Variants in SORL1 observed in about 807,000 individuals in gnomAD.
The protein encoded by SORL1 is sortilin-related receptor.
Under a neutral mutation model 273.7 loss-of-function variants are expected in SORL1, and 127 were observed. The ratio of observed to expected loss-of-function variants is 0.46; its 90% CI spans 0.40 to 0.54. The LOEUF (loss-of-function observed/expected upper bound fraction) is 0.54. SORL1 is among the 20% of genes least tolerant of loss of function. SORL1 has a pLI of 0.00. For missense variants in SORL1, 2,494 were observed against 2,846.1 expected (o/e 0.88, Z 2.81); for synonymous variants, 1,031 against 1,067.4 (o/e 0.97, Z 0.66).
At chr11:121,569,491 G>A (rs765566787) in intron 22 of SORL1, among the ~76,000 whole-genome samples, 2 of 152,178 alleles carry the variant, frequency 1.3e-5, no homozygotes, top group Non-Finnish European at 2.9e-5. Flanking sequence ...GTCCCTGAGG[G>A]TAGGCTTCTA....
chr11:121,566,615 T>C, intron 21 of SORL1: 1 of 260,158 alleles, frequency 3.8e-6, no homozygotes, highest in South Asian at 5.6e-5. Context: ...TCAACACCCA[T>C]GCTCTGTGAC....
intron 18 of SORL1, among the ~76,000 whole-genome samples, chr11:121,555,877 G>A (rs1056812698): frequency 2.6e-5 from 4 of 152,136 alleles, no homozygotes; most frequent in African/African-American, 7.2e-5. Flanking sequence ...ATCTTTGTCT[G>A]GGGGAATGTA....
rs184292557 is a variant in SORL1, at chr11:121,623,678, T to A, written c.6172-1407T>A. Reference sequence around the variant, plus strand: ...GCGGGGATGAGATTCCAGGCAGGTATTGGGAATCCCAGTTCGGCAGCCAGT... The same window carrying A: ...GCGGGGATGAGATTCCAGGCAGGTAATGGGAATCCCAGTTCGGCAGCCAGT... On this transcript the variant is annotated intron_variant, in intron 45 of 47. Coordinates refer to ENST00000260197, the MANE Select transcript of SORL1 (RefSeq NM_003105.6). Among the ~76,000 whole-genome samples the A allele has an allele frequency of 1.8e-4, 28 of 152,322 alleles. No individual in the cohort carries two copies. The East Asian group carries it at 4.4e-3, about 24-fold the overall frequency.
At chr11:121,571,779 G>A (rs369249890) in intron 23 of SORL1, among the ~76,000 whole-genome samples, 52 of 152,246 alleles carry the variant, frequency 3.4e-4, no homozygotes, top group African/African-American at 1.2e-3. Context: ...TTCCTTAATC[G>A]TTTTCCCTTG....
intron 46 of SORL1, 100 bp downstream of exon 46, chr11:121,625,377 G>T: frequency 2.1e-6 from 2 of 961,370 alleles, no homozygotes; most frequent in South Asian, 3.4e-5. Context: ...ACACATGGAA[G>T]ATATTCTCAG....
chr11:121,594,515 G>T (rs1389542992), intron 31 of SORL1, among the ~76,000 whole-genome samples: 3 of 148,708 alleles, frequency 2.0e-5, no homozygotes, highest in South Asian at 2.1e-4. Flanking sequence ...CATCTTTGTT[G>T]TCATGGTTTT....
At chr11:121,599,121 G>T (rs940189059) in intron 32 of SORL1, among the ~76,000 whole-genome samples, 4 of 152,158 alleles carry the variant, frequency 2.6e-5, no homozygotes, top group Non-Finnish European at 5.9e-5. Flanking sequence ...CCATTTTGGG[G>T]TTGGATTTCT....
chr11:121,589,995 C>T, intron 29 of SORL1, 45 bp from the exon 30 acceptor site: 1 of 1,605,280 alleles, frequency 6.2e-7, no homozygotes, highest in Non-Finnish European at 8.5e-7. Context: ...CCTGTGTTCA[C>T]ACTGATGCAG....
At chr11:121,622,033 A>G (rs548374224) in intron 44 of SORL1, 129 bp from the exon 45 acceptor site, 14 of 607,996 alleles carry the variant, frequency 2.3e-5, no homozygotes, top group African/African-American at 1.5e-4. Context: ...TCAGCAATCT[A>G]TGTGTTTTAT....
chr11:121,504,402 A>G (rs911583639), intron 6 of SORL1, among the ~76,000 whole-genome samples: 1 of 151,432 alleles, frequency 6.6e-6, no homozygotes, highest in African/African-American at 2.4e-5. Flanking sequence ...ACAGAGCGAG[A>G]CTCTGTCTCA....
chr11:121,559,980 T>G (rs1484429943), intron 21 of SORL1, among the ~76,000 whole-genome samples: 1 of 152,180 alleles, frequency 6.6e-6, no homozygotes, highest in African/African-American at 2.4e-5. Flanking sequence ...TTAATCCCTG[T>G]TTGGCATGCT....
At chr11:121,519,128 A>G (rs1261178192) in intron 8 of SORL1, among the ~76,000 whole-genome samples, 1 of 151,558 alleles carries the variant, frequency 6.6e-6, no homozygotes, top group Non-Finnish European at 1.5e-5. Context: ...TTGTATTATT[A>G]ATAGAGATGG....
At chr11:121,590,471 A>G (rs796821256) in intron 30 of SORL1, 13 of 493,190 alleles carry the variant, frequency 2.6e-5, no homozygotes, top group African/African-American at 1.9e-4. Context: ...CTTGTTAGAA[A>G]TGTAGAATCT....
chr11:121,617,539 G>GT (rs11459971), intron 41 of SORL1, among the ~76,000 whole-genome samples: 13,345 of 152,208 alleles, frequency 0.088, 1,007 homozygotes, highest in African/African-American at 0.2. Context: ...CAGTGCTGGA[G>GT]AAAGTCACCC....
rs181024108 is a variant in SORL1, at chr11:121,502,520, A to G, written c.939+5471A>G. Among the ~76,000 whole-genome samples, 22 of 152,314 alleles carry G rather than the reference A, an allele frequency of 1.4e-4. No homozygotes were observed. In the South Asian group the frequency reaches 2.7e-3, roughly 19 times the overall value. On this transcript the variant is annotated intron_variant, in intron 6 of 47. Transcript: ENST00000260197. ...CATTTTATATTCCCACCAGAAATGT[A>G]TTAGGGTGTAGTTTTCCCATATCCT...
chr11:121,614,272 T>C (rs1863609390), intron 40 of SORL1: 1 of 152,242 alleles, frequency 6.6e-6, no homozygotes, highest in African/African-American at 2.4e-5. Flanking sequence ...TATTTTTCCA[T>C]GGATTGATCT....
At chr11:121,583,614 A>G in intron 26 of SORL1, 31 bp downstream of exon 26, 1 of 1,582,402 alleles carries the variant, frequency 6.3e-7, no homozygotes, top group Middle Eastern at 1.7e-4. Context: ...TCCCTCCCTG[A>G]GCCTCCCCAG....
intron 12 of SORL1, among the ~76,000 whole-genome samples, chr11:121,539,058 G>C (rs1377232822): frequency 6.6e-6 from 1 of 152,200 alleles, no homozygotes; most frequent in African/African-American, 2.4e-5. Context: ...TCCCTATCCA[G>C]ATCATTGACA....
At chr11:121,518,845 T>A (rs1033704629) in intron 8 of SORL1, among the ~76,000 whole-genome samples, 2 of 152,090 alleles carry the variant, frequency 1.3e-5, no homozygotes, top group African/African-American at 4.8e-5. Flanking sequence ...GCTGAAGAGA[T>A]TGTGTGGAGA....
Sources: gnomAD v4.1 joint callset for allele counts (sites outside exome capture counted in the v4.1 genomes callset) on GRCh38, gnomAD v4.1.1 for gene constraint, MANE v1.5 for transcripts, NCBI Gene and HGNC (gene_info 2026-07-23, HGNC 2026-07-21) for gene names.